XPO6: variants seen among roughly 807,000 people sequenced by gnomAD.
The protein encoded by XPO6 is exportin-6.
XPO6 carries 3 observed loss-of-function variants against 130.0 expected under a neutral mutation model. That is an observed-to-expected ratio of 0.02 (90% CI 0.01 to 0.06). XPO6 has a LOEUF of 0.06. Ranked by LOEUF, XPO6 falls within the 10% of genes least tolerant of loss-of-function variation. The pLI is 1.00. For synonymous variants in XPO6, 524 were observed against 548.9 expected, an observed-to-expected ratio of 0.95 and a Z score of 0.63; for missense variants, 970 against 1,393.0, an observed-to-expected ratio of 0.70 and a Z score of 4.83.
chr16:28,150,239 C>A (rs779106340), intron 8 of XPO6, among the ~76,000 whole-genome samples: 44 of 152,286 alleles, frequency 2.9e-4, no homozygotes, highest in Non-Finnish European at 4.3e-4. Flanking sequence ...ATACAGGAGA[C>A]AGGAGAGCAG....
chr16:28,114,611 CT>C (rs1468459981), intron 15 of XPO6, among the ~76,000 whole-genome samples: 1 of 152,198 alleles, frequency 6.6e-6, no homozygotes, highest in Non-Finnish European at 1.5e-5. Flanking sequence ...AATCTTTTTG[CT>C]GGTGAAGGGT....
intron 13 of XPO6, among the ~76,000 whole-genome samples, chr16:28,125,206 T>C (rs2087364177): frequency 6.6e-6 from 1 of 152,180 alleles, no homozygotes; most frequent in African/African-American, 2.4e-5. Flanking sequence ...CTAATGGGAC[T>C]GGAAAAAACA....
At chr16:28,189,821 C>A (rs2141887001) in intron 1 of XPO6, among the ~76,000 whole-genome samples, 1 of 152,314 alleles carries the variant, frequency 6.6e-6, no homozygotes, top group East Asian at 1.9e-4. Context: ...CTGGCTGCAT[C>A]TAAACATAAT....
In XPO6 at chr16:28,211,356, T is replaced by G. The variant is rs201669283; in HGVS notation, c.3+10A>C. ...ACCCCAGGAGGGAAGGGGGCTCCAATTCCACTTACCATGCTGGCCGGGGAG... is the reference window on the plus strand; with the variant it reads ...ACCCCAGGAGGGAAGGGGGCTCCAAGTCCACTTACCATGCTGGCCGGGGAG... On this transcript the variant is annotated intron_variant, in intron 1 of 23. Transcript: ENST00000304658. The G allele has an allele frequency of 4.4e-4, 584 of 1,312,618 alleles. 1 individual carries two copies. The East Asian group carries it at 0.013, about 30-fold the overall frequency. 81.3% of individuals were successfully genotyped at this position (1,312,618 alleles called of 1,614,324 possible).
At chr16:28,128,755 T>C (rs1355886998) in intron 12 of XPO6, among the ~76,000 whole-genome samples, 2 of 152,120 alleles carry the variant, frequency 1.3e-5, no homozygotes, top group Non-Finnish European at 2.9e-5. Flanking sequence ...AGGGAGCCCT[T>C]CCATCTCTGG....
rs1169263042 is a variant in XPO6 at position 28,109,709 on chromosome 16, A to G, written c.2342-2032T>C. Among the ~76,000 whole-genome samples, 5 of 152,384 alleles carry G rather than the reference A, an allele frequency of 3.3e-5. No homozygotes were observed. The South Asian group carries it at 1.0e-3, about 32-fold the overall frequency. On this transcript the variant is annotated intron_variant, in intron 17 of 23. Coordinates refer to ENST00000304658, the MANE Select transcript of XPO6 (RefSeq NM_015171.4). ...CTGGATCAAAGGAGACTAAAGAGAT[A>G]TAACAACCAAACACAATAAAACTAT...
At chr16:28,201,473 C>A (rs1347846542) in intron 1 of XPO6, among the ~76,000 whole-genome samples, 1 of 152,156 alleles carries the variant, frequency 6.6e-6, no homozygotes, top group Non-Finnish European at 1.5e-5. Context: ...CACCCCCAGG[C>A]TTGGAGTGGG....
rs368576584 is a variant in XPO6 at position 28,177,015 on chromosome 16, A to G, written c.207+205T>C. Among the ~76,000 whole-genome samples, 113 of 152,280 alleles carry G rather than the reference A, an allele frequency of 7.4e-4. 1 individual carries two copies. The South Asian group carries it at 0.011, about 15-fold the overall frequency. On this transcript the variant is annotated intron_variant, in intron 3 of 23. Transcript: ENST00000304658. ...AAATGACCTACCTACTTAACCCTAA[A>G]GTCAACCATCCATCTTACCTTTCTA...
chr16:28,128,162 G>T (rs1344691839), intron 12 of XPO6, among the ~76,000 whole-genome samples: 2 of 152,164 alleles, frequency 1.3e-5, no homozygotes, highest in Admixed American at 1.3e-4. Flanking sequence ...GAATGTCAAT[G>T]GGATTTTCAA....
chr16:28,159,797 T>A (rs912394213), intron 6 of XPO6, among the ~76,000 whole-genome samples: 11 of 152,234 alleles, frequency 7.2e-5, no homozygotes, highest in African/African-American at 2.4e-4. Flanking sequence ...TCATTTTTTC[T>A]TAACCATAAA....
intron 11 of XPO6, among the ~76,000 whole-genome samples, chr16:28,133,333 C>T (rs989724967): frequency 5.0e-5 from 7 of 139,058 alleles, no homozygotes; most frequent in African/African-American, 8.1e-5. Context: ...CGTGAGACTC[C>T]GTCTCAAAAA....
chr16:28,102,642 G>A (rs1270931571), intron 21 of XPO6, among the ~76,000 whole-genome samples: 2 of 152,172 alleles, frequency 1.3e-5, no homozygotes, highest in Non-Finnish European at 2.9e-5. Flanking sequence ...GGAGGCTGAG[G>A]CAGGAGAATC....
intron 23 of XPO6, among the ~76,000 whole-genome samples, chr16:28,099,673 C>T (rs1332281497): frequency 1.3e-5 from 2 of 152,196 alleles, no homozygotes; most frequent in African/African-American, 2.4e-5. Flanking sequence ...AAGGCTTACT[C>T]GAGCCAAGAC....
chr16:28,178,230 T>A (rs951386781), intron 2 of XPO6, among the ~76,000 whole-genome samples: 3 of 152,152 alleles, frequency 2.0e-5, no homozygotes. Context: ...GCTCTGCTAG[T>A]TCCCTACAAC....
Position 28,137,194 on chromosome 16 carries a change from A to G in XPO6, c.1335-1870T>C, listed in dbSNP as rs140296388. On this transcript the variant is annotated intron_variant, in intron 9 of 23. Coordinates refer to ENST00000304658, the MANE Select transcript of XPO6 (RefSeq NM_015171.4). ...CAGTTCGAAAAGATCCCTCCTCTGA[A>G]CTCCTGTGGCAGCTAGATGGGGCCC... 9.2e-4 allele frequency among the ~76,000 whole-genome samples: 140 copies of G among 152,172 alleles called. 2 individuals are homozygous for G. Among genetic ancestry groups the G allele is most frequent in the Non-Finnish European group, 1.8e-3 (119 of 67,972 alleles).
intron 9 of XPO6, among the ~76,000 whole-genome samples, chr16:28,145,187 T>C (rs539896440): frequency 1.3e-5 from 2 of 152,318 alleles, no homozygotes; most frequent in Non-Finnish European, 2.9e-5. Flanking sequence ...ATGCAAAATA[T>C]AGCTTCTTTG....
chr16:28,174,125 T>C (rs1345386680), intron 4 of XPO6, among the ~76,000 whole-genome samples: 1 of 152,180 alleles, frequency 6.6e-6, no homozygotes, highest in South Asian at 2.1e-4. Context: ...TGAAGGCAAG[T>C]GTATTGGACA....
chr16:28,137,634 C>G (rs1240776752), intron 9 of XPO6, among the ~76,000 whole-genome samples: 2 of 102,782 alleles, frequency 1.9e-5, no homozygotes, highest in Non-Finnish European at 4.0e-5. Flanking sequence ...TTTTGGTGAC[C>G]AGAGTATCTT....
chr16:28,127,316 G>C (rs1306543938), intron 12 of XPO6, among the ~76,000 whole-genome samples: 1 of 152,082 alleles, frequency 6.6e-6, no homozygotes, highest in African/African-American at 2.4e-5. Flanking sequence ...GTCTCTGTGG[G>C]GCCTCCCCAC....
Sources: gnomAD v4.1 joint callset for allele counts (sites outside exome capture counted in the v4.1 genomes callset) on GRCh38, gnomAD v4.1.1 for gene constraint, MANE v1.5 for transcripts, NCBI Gene and HGNC (gene_info 2026-07-23, HGNC 2026-07-21) for gene names.